PTGES3: variants seen among roughly 807,000 people sequenced by gnomAD.
The protein encoded by PTGES3 is Hsp90 co-chaperone.
In PTGES3, 5 loss-of-function variants were observed where a neutral mutation model predicts 29.9. The observed-to-expected ratio is 0.17, with a 90% CI of 0.09 to 0.35. PTGES3 has a LOEUF of 0.35. PTGES3 is among the 10% of genes least tolerant of loss of function. The probability of loss-of-function intolerance (pLI) is 1.00; values close to 1 mark genes in which losing one functional copy is unlikely to be tolerated. For synonymous variants in PTGES3, 49 were observed against 57.8 expected, an observed-to-expected ratio of 0.85 and a Z score of 0.69; for missense variants, 128 against 190.0, an observed-to-expected ratio of 0.67 and a Z score of 1.92.
intron 1 of PTGES3, chr12:56,686,727 C>A (rs1038675616): frequency 2.5e-6 from 1 of 394,572 alleles, no homozygotes. Flanking sequence ...GGGGAGGGGG[C>A]TCCTTCAAAA....
In PTGES3 at chr12:56,688,010, G is replaced by A. The variant is rs913537504; in HGVS notation, c.-11C>T. On this transcript the variant is annotated 5_prime_UTR_variant, in exon 1 of 8. Transcript: ENST00000262033. ...GTGTCGCACTCACATTGTGAACGGG[G>A]CAGGGGGACGGGCGAACTGGTGGGC... The A allele has an allele frequency of 1.3e-6, 2 of 1,550,858 alleles. No individual in the cohort carries two copies. The highest frequency in any genetic ancestry group is 1.7e-6 in the Non-Finnish European group (2 of 1,147,770).
chr12:56,665,363 C>T (rs1253360744), intron 6 of PTGES3: 10 of 928,910 alleles, frequency 1.1e-5, no homozygotes, highest in African/African-American at 7.3e-5. Flanking sequence ...TGGCGAGATC[C>T]GGCTCACTGC....
chr12:56,668,241 C>G (rs1239650666), intron 5 of PTGES3, among the ~76,000 whole-genome samples: 2 of 152,156 alleles, frequency 1.3e-5, no homozygotes, highest in African/African-American at 4.8e-5. Flanking sequence ...AAATGAGTAA[C>G]TGGGAGTTTC....
rs869222252 is a variant in PTGES3, at chr12:56,674,825, C to CAAAAAAAAAAAAAAAAAAA, written c.3-1779_3-1761dup. Among the ~76,000 whole-genome samples, 8 of 16,110 alleles carry CAAAAAAAAAAAAAAAAAAA rather than the reference C, an allele frequency of 5.0e-4. 1 individual carries two copies. Among genetic ancestry groups the CAAAAAAAAAAAAAAAAAAA allele is most frequent in the Admixed American group, 2.6e-3 (2 of 756 alleles). 10.6% of individuals were successfully genotyped at this position (16,110 alleles called of 152,430 possible). The stretch of plus-strand genomic sequence containing the variant: ...TGGGCAACAGAGCAAGACTCCATCT[C>CAAAAAAAAAAAAAAAAAAA]AAAAAAAAAAAAAAAAAAAAAAAAA... On this transcript the variant is annotated intron_variant, in intron 1 of 7. Transcript: ENST00000262033.
intron 1 of PTGES3, 146 bp downstream of exon 1, chr12:56,687,852 G>A (rs1156292132): frequency 1.3e-5 from 20 of 1,504,886 alleles, no homozygotes; most frequent in South Asian, 8.6e-5. Flanking sequence ...AACGGTAACC[G>A]GAACAAGGAT....
rs1343135578 is a variant in PTGES3 at position 56,663,720 on chromosome 12, AAT to A, written c.*757_*758del. 2 of 152,666 alleles carry A rather than the reference AAT, an allele frequency of 1.3e-5. No homozygotes were observed. Among genetic ancestry groups the A allele is most frequent in the Non-Finnish European group, 2.9e-5 (2 of 68,034 alleles). The allele number at this position is 152,666 out of a possible 1,614,324, so 9.5% of individuals were successfully genotyped here. On this transcript the variant is annotated 3_prime_UTR_variant, in exon 8 of 8. Transcript: ENST00000262033. The stretch of plus-strand genomic sequence containing the variant: ...ATCAAAAAAAGGAAATAAAAAATCC[AAT>A]AGTGTATTAAACATTTTTCACTCAT...
intron 1 of PTGES3, among the ~76,000 whole-genome samples, chr12:56,682,725 A>G (rs1346074568): frequency 6.7e-6 from 1 of 150,160 alleles, no homozygotes; most frequent in Non-Finnish European, 1.5e-5. Context: ...TTAAAAGAAA[A>G]AAAAAAAAAA....
chr12:56,676,431 G>T (rs867055487), intron 1 of PTGES3, among the ~76,000 whole-genome samples: 1 of 152,034 alleles, frequency 6.6e-6, no homozygotes, highest in South Asian at 2.1e-4. Context: ...ACATGATAAT[G>T]GAGTCCTGAG....
chr12:56,685,969 G>A (rs1370036228), intron 1 of PTGES3, among the ~76,000 whole-genome samples: 1 of 151,496 alleles, frequency 6.6e-6, no homozygotes, highest in Non-Finnish European at 1.5e-5. Flanking sequence ...TAGAAACGGG[G>A]TTTCACCATA....
chr12:56,666,594 G>C (rs948070812), intron 5 of PTGES3, among the ~76,000 whole-genome samples: 30 of 152,110 alleles, frequency 2.0e-4, no homozygotes, highest in Middle Eastern at 3.2e-3. Context: ...TAGTTGCACA[G>C]CTATCTATCT....
chr12:56,673,224 C>T (rs1330517575), intron 1 of PTGES3, among the ~76,000 whole-genome samples, 159 bp from the exon 2 acceptor site: 1 of 152,042 alleles, frequency 6.6e-6, no homozygotes, highest in Non-Finnish European at 1.5e-5. Context: ...CAAGTTAAAA[C>T]CTATGGGTCT....
chr12:56,666,285 T>C lies in PTGES3; in HGVS notation c.376-19A>G. 6.3e-7 allele frequency: 1 copy of C among 1,598,398 alleles called. No individual in the cohort carries two copies. Among genetic ancestry groups the C allele is most frequent in the African/African-American group, 1.3e-5 (1 of 74,354 alleles). ...TCATCATCTATTTGAAGTGTAAAAA[T>C]TAGTTTTAAAAATGATGTTAAGTTA... On this transcript the variant is annotated intron_variant, in intron 5 of 7. Coordinates refer to ENST00000262033, the MANE Select transcript of PTGES3 (RefSeq NM_006601.7).
At chr12:56,687,209 C>G in intron 1 of PTGES3, 1 of 1,049,040 alleles carries the variant, frequency 9.5e-7, no homozygotes, top group Non-Finnish European at 1.1e-6. Context: ...CTACTACATA[C>G]CTATTTCATC....
Position 56,672,953 on chromosome 12 carries a change from T to C in PTGES3, c.115A>G (p.Ser39Gly). 6.3e-7 allele frequency: 1 copy of C among 1,596,780 alleles called. No homozygotes were observed. Among genetic ancestry groups the C allele is most frequent in the Non-Finnish European group, 8.5e-7 (1 of 1,173,284 alleles). The part of the protein sequence containing the change: ...VNFEKSKLTF[S>G]CLGGSDNFKH... ...CATTGGATAAAAAGCTTAACTTACCTGAATGTAAGTTTGGATTTTTCAAAA... is the reference window on the plus strand; with the variant it reads ...CATTGGATAAAAAGCTTAACTTACCCGAATGTAAGTTTGGATTTTTCAAAA... The change falls in exon 2 of 8, where the codon AGT (serine) becomes GGT (glycine). Residue 39 changes from serine to glycine, a missense_variant and splice_region_variant. By Grantham distance (56) the Ser-to-Gly change is moderately conservative. Coordinates refer to ENST00000262033, the MANE Select transcript of PTGES3 (RefSeq NM_006601.7).
intron 1 of PTGES3, among the ~76,000 whole-genome samples, chr12:56,674,825 C>CAAAAAAAAAAAAAAAAAAAAAAAAAAA (rs869222252): frequency 6.2e-5 from 1 of 16,110 alleles, no homozygotes; most frequent in Non-Finnish European, 9.6e-5. Context: ...GACTCCATCT[C>CAAAAAAAAAAAAAAAAAAAAAAAAAAA]AAAAAAAAAA....
intron 4 of PTGES3, 60 bp from the exon 5 acceptor site, chr12:56,670,424 T>A: frequency 8.2e-7 from 1 of 1,223,112 alleles, no homozygotes; most frequent in Non-Finnish European, 1.2e-6. Flanking sequence ...GCATGAACCT[T>A]AAGACTACGT....
chr12:56,674,258 A>ATAGCT (rs1294308085), intron 1 of PTGES3, among the ~76,000 whole-genome samples: 7 of 152,196 alleles, frequency 4.6e-5, no homozygotes, highest in African/African-American at 1.7e-4. Flanking sequence ...AAGAAAGAAG[A>ATAGCT]TAGCTATCTG....
In PTGES3 at chr12:56,678,886, G is replaced by A. The variant is rs764528659; in HGVS notation, c.3-5821C>T. On this transcript the variant is annotated intron_variant, in intron 1 of 7. Coordinates refer to ENST00000262033, the MANE Select transcript of PTGES3 (RefSeq NM_006601.7). ...AATCCTAGCACTTTAGGAGGCCAAG[G>A]TGAGAGTATCATTTTGGGCCAGGAG... 2.7e-4 allele frequency among the ~76,000 whole-genome samples: 41 copies of A among 152,276 alleles called. 1 individual carries two copies. Among genetic ancestry groups the A allele is most frequent in the Admixed American group, 9.2e-4 (14 of 15,270 alleles).
intron 1 of PTGES3, among the ~76,000 whole-genome samples, chr12:56,683,017 A>T (rs1952624250): frequency 6.6e-6 from 1 of 151,672 alleles, no homozygotes; most frequent in African/African-American, 2.4e-5. Context: ...AAATTTACAA[A>T]GGTATACCGA....
Sources: allele counts gnomAD v4.1 joint callset (sites outside exome capture counted in the v4.1 genomes callset), GRCh38; gene constraint gnomAD v4.1.1; transcripts MANE v1.5; gene names NCBI Gene and HGNC (gene_info 2026-07-23, HGNC 2026-07-21).